Variants in ADAMTSL1 observed in about 807,000 individuals in gnomAD.
ADAMTSL1 encodes ADAMTS like 1, also known as ADAMTS-like protein 1.
ADAMTSL1 carries 126 observed loss-of-function variants against 201.8 expected under a neutral mutation model. The ratio of observed to expected loss-of-function variants is 0.62; its 90% confidence interval spans 0.54 to 0.72. The LOEUF is 0.72. Among genes scored for constraint, ADAMTSL1 ranks in the 30% least tolerant of loss-of-function variants. The pLI is 0.00. For synonymous variants in ADAMTSL1, 1,121 were observed against 903.4 expected, an observed-to-expected ratio of 1.24 and a Z score of -4.32; for missense variants, 2,679 against 2,277.8, an observed-to-expected ratio of 1.18 and a Z score of -3.59.
At chr9:18,537,010 T>G (rs1819815895) in intron 3 of ADAMTSL1, among the ~76,000 whole-genome samples, 1 of 152,192 alleles carries the variant, frequency 6.6e-6, no homozygotes, top group South Asian at 2.1e-4. Flanking sequence ...TAGGCCACAC[T>G]GCTTGTGGTA....
At chr9:18,907,757 C>G (rs980115355) in intron 28 of ADAMTSL1, 1 of 153,142 alleles carries the variant, frequency 6.5e-6, no homozygotes, top group South Asian at 2.1e-4. Context: ...AGTGGCTCAC[C>G]ATGCTCAGAG....
intron 1 of ADAMTSL1, among the ~76,000 whole-genome samples, chr9:18,098,290 T>C (rs1162490712): frequency 6.6e-6 from 1 of 152,172 alleles, no homozygotes; most frequent in African/African-American, 2.4e-5. Context: ...TTGACTAGTT[T>C]CTTTGCATTT....
intron 23 of ADAMTSL1, among the ~76,000 whole-genome samples, chr9:18,857,602 A>T (rs1326782723): frequency 6.6e-6 from 1 of 152,194 alleles, no homozygotes; most frequent in Non-Finnish European, 1.5e-5. Flanking sequence ...TGCTGATGCT[A>T]ATGCCAGTCT....
chr9:18,135,430 C>G (rs1050052860), intron 1 of ADAMTSL1, among the ~76,000 whole-genome samples: 1 of 152,052 alleles, frequency 6.6e-6, no homozygotes, highest in Non-Finnish European at 1.5e-5. Flanking sequence ...AATTGTATTG[C>G]TGAAAGGAAG....
intron 1 of ADAMTSL1, among the ~76,000 whole-genome samples, chr9:18,063,185 AC>A (rs1370973789): frequency 4.6e-5 from 7 of 152,086 alleles, no homozygotes; most frequent in African/African-American, 9.7e-5. Flanking sequence ...TCTTAAAAAA[AC>A]GTTTTTAAAA....
intron 3 of ADAMTSL1, among the ~76,000 whole-genome samples, chr9:18,569,101 G>T (rs1488172243): frequency 2.0e-5 from 3 of 152,302 alleles, no homozygotes; most frequent in South Asian, 4.1e-4. Context: ...CACCCGGTGA[G>T]TAAACTGGGA....
intron 1 of ADAMTSL1, among the ~76,000 whole-genome samples, chr9:17,928,707 C>G (rs921082486): frequency 3.3e-5 from 5 of 152,066 alleles, no homozygotes; most frequent in African/African-American, 1.2e-4. Context: ...GCCAGGAGTT[C>G]AAGACGAGCC....
intron 2 of ADAMTSL1, among the ~76,000 whole-genome samples, chr9:18,386,823 C>G (rs1338658494): frequency 6.6e-6 from 1 of 152,144 alleles, no homozygotes; most frequent in Non-Finnish European, 1.5e-5. Flanking sequence ...AGCAATCTTT[C>G]TCACTTATTT....
chr9:18,588,445 C>G (rs943265620), intron 4 of ADAMTSL1, among the ~76,000 whole-genome samples: 76 of 151,038 alleles, frequency 5.0e-4, no homozygotes, highest in African/African-American at 1.8e-3. Flanking sequence ...CTTTGCTGTG[C>G]AGAAGTTTTT....
At chr9:18,687,632 A>T (rs1830913927) in intron 13 of ADAMTSL1, among the ~76,000 whole-genome samples, 2 of 152,212 alleles carry the variant, frequency 1.3e-5, no homozygotes, top group African/African-American at 2.4e-5. Context: ...AATACAGAAA[A>T]ATCACCAGAT....
intron 25 of ADAMTSL1, among the ~76,000 whole-genome samples, chr9:18,891,091 C>CTAAG (rs1015352203): frequency 6.6e-6 from 1 of 150,598 alleles, no homozygotes; most frequent in African/African-American, 2.4e-5. Flanking sequence ...GGCCACAAAA[C>CTAAG]TAAGTAAGTC....
intron 20 of ADAMTSL1, among the ~76,000 whole-genome samples, chr9:18,807,028 T>C (rs1032441211): frequency 2.0e-5 from 3 of 152,218 alleles, no homozygotes; most frequent in African/African-American, 7.2e-5. Context: ...GTGGGTACAA[T>C]GAGGTCTGAA....
At chr9:18,878,526 G>C (rs941834219) in intron 23 of ADAMTSL1, among the ~76,000 whole-genome samples, 1 of 152,192 alleles carries the variant, frequency 6.6e-6, no homozygotes, top group Non-Finnish European at 1.5e-5. Flanking sequence ...TCAGCTCCTG[G>C]TAAGGTCAAA....
At chr9:18,603,353 ATGC>A (rs1250838050) in intron 4 of ADAMTSL1, among the ~76,000 whole-genome samples, 7 of 112,790 alleles carry the variant, frequency 6.2e-5, no homozygotes, top group African/African-American at 2.3e-4. Flanking sequence ...ATGCTATGCT[ATGC>A]TATGCTATGC....
At chr9:18,322,187 G>C (rs537216838) in intron 2 of ADAMTSL1, among the ~76,000 whole-genome samples, 1 of 152,056 alleles carries the variant, frequency 6.6e-6, no homozygotes, top group Admixed American at 6.6e-5. Context: ...CAGCTGAGTT[G>C]CCCCTTTAAG....
At chr9:18,617,338 A>G (rs1825753494) in intron 4 of ADAMTSL1, among the ~76,000 whole-genome samples, 1 of 152,202 alleles carries the variant, frequency 6.6e-6, no homozygotes. Flanking sequence ...CAGTGTCTAG[A>G]GAATTTCAGT....
chr9:18,694,433 A>G (rs1472099417), intron 13 of ADAMTSL1, among the ~76,000 whole-genome samples: 1 of 152,204 alleles, frequency 6.6e-6, no homozygotes, highest in Non-Finnish European at 1.5e-5. Flanking sequence ...TAAAATAAAA[A>G]ACAAGTTAGT....
intron 2 of ADAMTSL1, among the ~76,000 whole-genome samples, chr9:18,247,110 A>T (rs1831281980): frequency 6.6e-6 from 1 of 152,174 alleles, no homozygotes; most frequent in South Asian, 2.1e-4. Flanking sequence ...AAGGGTTAAG[A>T]ACAGTCACAT....
intron 1 of ADAMTSL1, among the ~76,000 whole-genome samples, chr9:17,946,454 G>A (rs1481012547): frequency 6.6e-6 from 1 of 151,784 alleles, no homozygotes; most frequent in Admixed American, 6.6e-5. Flanking sequence ...ACCATCTTTG[G>A]TTCTCCGTTT....
Sources: allele counts gnomAD v4.1 joint callset (sites outside exome capture counted in the v4.1 genomes callset), GRCh38; gene constraint gnomAD v4.1.1; transcripts MANE v1.5; gene names NCBI Gene and HGNC (gene_info 2026-07-23, HGNC 2026-07-21).